Variants in ANO2 observed in about 807,000 individuals in gnomAD.
ANO2 encodes the protein anoctamin-2.
In ANO2, 101 loss-of-function variants were observed where a neutral mutation model predicts 124.2. That is an observed-to-expected ratio of 0.81 (90% CI 0.69 to 0.96). The LOEUF is 0.96. Among genes scored for constraint, ANO2 ranks in the 40% least tolerant of loss-of-function variants. ANO2 has a pLI of 0.00. For missense variants in ANO2, 1,293 were observed against 1,274.5 expected, an observed-to-expected ratio of 1.01 and a Z score of -0.22; for synonymous variants, 486 against 482.5, an observed-to-expected ratio of 1.01 and a Z score of -0.09.
rs1410126119 is a variant in ANO2 at position 5,739,354 on chromosome 12, C to G, written c.1397G>C (p.Gly466Ala). 1.2e-6 allele frequency: 2 copies of G among 1,607,514 alleles called. No individual in the cohort carries two copies. Among genetic ancestry groups the G allele is most frequent in the Non-Finnish European group, 1.7e-6 (2 of 1,177,154 alleles). Residue 466 changes from glycine to alanine, a missense_variant, in exon 13 of 25, where the codon GGC (glycine) becomes GCC (alanine). Transcript: ENST00000682330. ...TATGCCAGTCAGGTCCCAAAAGTAG[C>G]CCAGTCGCATCTGTAGCCTCTTCCA... ...ENWKRLQMRL[G>A]YFWDLTGIEE...
chr12:5,922,799 G>T lies in ANO2; in HGVS notation c.28C>A (p.Pro10Thr), dbSNP rs2136304934. 1.0e-5 allele frequency: 15 copies of T among 1,502,054 alleles called. No homozygotes were observed. Among genetic ancestry groups the T allele is most frequent in the Non-Finnish European group, 1.3e-5 (15 of 1,126,602 alleles). 93.0% of individuals were successfully genotyped at this position (1,502,054 alleles called of 1,614,324 possible). The part of the protein sequence containing the change: MATPGPRDI[P>T]LLPGSPRRLS... ...CGGCGTGGGGAGCCAGGGAGCAGGG[G>T]TATATCTGTGAGAGGGAAAGACAAG... The change falls in exon 2 of 25, where the codon CCC (proline) becomes ACC (threonine). Residue 10 changes from proline to threonine, a missense_variant. Physicochemically the swap from Pro to Thr is conservative, Grantham distance 38. Transcript: ENST00000682330.
At chr12:5,913,830 G>A (rs1941205985) in intron 3 of ANO2, among the ~76,000 whole-genome samples, 1 of 152,196 alleles carries the variant, frequency 6.6e-6, no homozygotes. Context: ...TAAAACCATA[G>A]ATTAAATCTC....
At position 5,904,454 on chromosome 12, in the gene ANO2, G is replaced by A. The variant is rs973072936; in HGVS notation, c.534+16586C>T. Among the ~76,000 whole-genome samples, 1 of 152,222 alleles carries A rather than the reference G, an allele frequency of 6.6e-6. No homozygotes were observed. Among genetic ancestry groups the A allele is most frequent in the Non-Finnish European group, 1.5e-5 (1 of 68,034 alleles). On this transcript the variant is annotated intron_variant, in intron 3 of 24. Coordinates refer to ENST00000682330, the MANE Select transcript of ANO2 (RefSeq NM_001364791.2). The surrounding 1 kb of genome is among the most constrained non-coding windows in gnomAD (Gnocchi z 4.1). Reference sequence around the variant, plus strand: ...AGGGAAGCCACAGAAGAGGAAGGCTGAGTGTGCCCAGGGCAGACGCCTCGC... The same window carrying A: ...AGGGAAGCCACAGAAGAGGAAGGCTAAGTGTGCCCAGGGCAGACGCCTCGC...
rs1418562402 is a variant in ANO2 at position 5,674,205 on chromosome 12, C to A, written c.1546-26404G>T. ...TGAAGTAGACTATTACCACTCTCCA[C>A]TATAGGTAATTTTAAGTTTGCAGTA... On this transcript the variant is annotated intron_variant, in intron 14 of 24. Coordinates refer to ENST00000682330, the MANE Select transcript of ANO2 (RefSeq NM_001364791.2). Among the ~76,000 whole-genome samples, 4 of 152,184 alleles carry A rather than the reference C, an allele frequency of 2.6e-5. No individual in the cohort carries two copies. In the South Asian group the frequency reaches 8.3e-4, roughly 32 times the overall value.
rs185927371 is a variant in ANO2 at position 5,908,062 on chromosome 12, G to A, written c.534+12978C>T. Among the ~76,000 whole-genome samples the A allele has an allele frequency of 3.8e-3, 583 of 152,366 alleles. 4 individuals carry two copies. Among genetic ancestry groups the A allele is most frequent in the African/African-American group, 0.013 (553 of 41,588 alleles). On this transcript the variant is annotated intron_variant, in intron 3 of 24. Transcript: ENST00000682330. This position sits in a 1 kb window ranked among gnomAD's most constrained non-coding sequence, Gnocchi z 4.7. ...ACAAACTCGTAACCACGCACGGGCAGCGTGTGCAGGGAGCCAGCAGCAAAC... is the reference window on the plus strand; with the variant it reads ...ACAAACTCGTAACCACGCACGGGCAACGTGTGCAGGGAGCCAGCAGCAAAC...
chr12:5,675,727 T>C (rs1948212334), intron 14 of ANO2, among the ~76,000 whole-genome samples: 1 of 152,200 alleles, frequency 6.6e-6, no homozygotes, highest in African/African-American at 2.4e-5. Context: ...GCTCTGTCAT[T>C]ACTTGCTATA....
intron 14 of ANO2, among the ~76,000 whole-genome samples, chr12:5,708,103 C>T (rs903099358): frequency 6.6e-6 from 1 of 152,154 alleles, no homozygotes; most frequent in Non-Finnish European, 1.5e-5. Context: ...AAATCACTAC[C>T]TACCAGTTGT....
chr12:5,689,736 A>T (rs1187412580), intron 14 of ANO2, among the ~76,000 whole-genome samples: 3 of 152,128 alleles, frequency 2.0e-5, no homozygotes, highest in Non-Finnish European at 4.4e-5. Flanking sequence ...TTAAGAAGTG[A>T]CATCTGCCCT....
chr12:5,572,524 T>C (rs1042115507), intron 23 of ANO2, among the ~76,000 whole-genome samples: 1 of 152,258 alleles, frequency 6.6e-6, no homozygotes, highest in African/African-American at 2.4e-5. Flanking sequence ...TGTTGCCCTA[T>C]TGTCAATCAT....
chr12:5,673,399 T>C (rs1358731404), intron 14 of ANO2, among the ~76,000 whole-genome samples: 1 of 152,214 alleles, frequency 6.6e-6, no homozygotes, highest in Non-Finnish European at 1.5e-5. Flanking sequence ...TTGGCAGGCC[T>C]CTGGGAAGCA....
At chr12:5,670,146 G>A (rs1947921576) in intron 14 of ANO2, among the ~76,000 whole-genome samples, 1 of 152,166 alleles carries the variant, frequency 6.6e-6, no homozygotes, top group South Asian at 2.1e-4. Flanking sequence ...TTCCTATGTG[G>A]CTGCATGATC....
At chr12:5,841,819 G>A (rs1016545650) in intron 4 of ANO2, among the ~76,000 whole-genome samples, 6 of 152,080 alleles carry the variant, frequency 3.9e-5, no homozygotes, top group African/African-American at 1.4e-4. Context: ...TGGCTCTCTT[G>A]TCATAACCCA....
chr12:5,709,468 C>T (rs4930793), intron 14 of ANO2, among the ~76,000 whole-genome samples: 21,366 of 152,126 alleles, frequency 0.14, 1,587 homozygotes, highest in Middle Eastern at 0.22. Flanking sequence ...TCTAGCTCAA[C>T]TCCTTCTAAG....
chr12:5,899,074 T>C (rs377332639), intron 3 of ANO2, among the ~76,000 whole-genome samples: 30 of 152,254 alleles, frequency 2.0e-4, no homozygotes, highest in African/African-American at 6.7e-4. Context: ...AGACTCCCCC[T>C]GCTGTTCACC....
At chr12:5,598,390 T>C (rs2885311) in intron 20 of ANO2, among the ~76,000 whole-genome samples, 95,049 of 149,748 alleles carry the variant, frequency 0.63, 30,010 homozygotes, top group Admixed American at 0.73. Flanking sequence ...CAGACTCTCA[T>C]TCTGTTGGCC....
At chr12:5,918,925 CT>C (rs1263202543) in intron 3 of ANO2, among the ~76,000 whole-genome samples, 1 of 152,208 alleles carries the variant, frequency 6.6e-6, no homozygotes, top group Non-Finnish European at 1.5e-5. Flanking sequence ...GCATCTATTA[CT>C]TTGCAGATAA....
At chr12:5,821,398 G>A (rs534374041) in intron 7 of ANO2, among the ~76,000 whole-genome samples, 18 of 152,278 alleles carry the variant, frequency 1.2e-4, no homozygotes, top group Middle Eastern at 3.4e-3. Context: ...GTGTTACTCC[G>A]GCCCGTTTAT....
chr12:5,854,308 G>A (rs1453903387), intron 3 of ANO2, among the ~76,000 whole-genome samples, 167 bp from the exon 4 acceptor site: 1 of 137,264 alleles, frequency 7.3e-6, no homozygotes, highest in Admixed American at 8.1e-5. Context: ...CCTGTACCCA[G>A]TTCATCAGTC....
chr12:5,679,554 CATT>C (rs1948402871), intron 14 of ANO2, among the ~76,000 whole-genome samples: 1 of 152,144 alleles, frequency 6.6e-6, no homozygotes, highest in Non-Finnish European at 1.5e-5. Flanking sequence ...TATCACTGAT[CATT>C]ATAAAAATGC....
Sources: gnomAD v4.1 joint callset for allele counts (sites outside exome capture counted in the v4.1 genomes callset) on GRCh38, gnomAD v4.1.1 for gene constraint, Gnocchi (gnomAD v3.1) non-coding constraint, MANE v1.5 for transcripts, NCBI Gene and HGNC (gene_info 2026-07-23, HGNC 2026-07-21) for gene names.